Variants in PSMA1 observed in about 807,000 individuals in gnomAD.
The protein encoded by PSMA1 is proteasome subunit alpha type-1.
A neutral mutation model predicts 38.4 loss-of-function variants in PSMA1; 3 were observed. The ratio of observed to expected loss-of-function variants is 0.08; its 90% CI spans 0.04 to 0.20. The LOEUF (loss-of-function observed/expected upper bound fraction) is 0.20. Among genes scored for constraint, PSMA1 ranks in the 10% least tolerant of loss-of-function variants. PSMA1 has a pLI of 1.00. For synonymous variants in PSMA1, 101 were observed against 107.1 expected, an observed-to-expected ratio of 0.94 and a Z score of 0.35; for missense variants, 227 against 325.3, an observed-to-expected ratio of 0.70 and a Z score of 2.32.
At chr11:14,572,068 G>T (rs1029328666) in intron 2 of PSMA1, among the ~76,000 whole-genome samples, 3 of 152,138 alleles carry the variant, frequency 2.0e-5, no homozygotes, top group African/African-American at 7.2e-5. Flanking sequence ...AATAATGGGA[G>T]AATTTAACAC....
chr11:14,591,069 C>T (rs546100304), intron 2 of PSMA1, among the ~76,000 whole-genome samples: 4 of 152,212 alleles, frequency 2.6e-5, no homozygotes, highest in Non-Finnish European at 4.4e-5. Context: ...GAGGGAGAGG[C>T]GCGAGCGGGA....
intron 2 of PSMA1, among the ~76,000 whole-genome samples, chr11:14,594,024 G>C (rs576428976): frequency 1.2e-4 from 18 of 152,280 alleles, no homozygotes; most frequent in African/African-American, 4.1e-4. Flanking sequence ...TCTAGGAAAG[G>C]TTTACCTCTT....
chr11:14,622,169 C>T (rs551143957), intron 1 of PSMA1, among the ~76,000 whole-genome samples: 1 of 152,160 alleles, frequency 6.6e-6, no homozygotes, highest in South Asian at 2.1e-4. Flanking sequence ...AGTTGCTTTG[C>T]CGGACACTGT....
At chr11:14,631,378 T>A (rs1215952333) in intron 1 of PSMA1, among the ~76,000 whole-genome samples, 1 of 152,168 alleles carries the variant, frequency 6.6e-6, no homozygotes, top group African/African-American at 2.4e-5. Context: ...TTTGTTCTCG[T>A]TGGTTTCAAA....
At chr11:14,621,468 A>C (rs1852842616) in intron 1 of PSMA1, among the ~76,000 whole-genome samples, 1 of 151,878 alleles carries the variant, frequency 6.6e-6, no homozygotes, top group Non-Finnish European at 1.5e-5. Context: ...ATGGGGTCCC[A>C]TTATGTTGCC....
intron 2 of PSMA1, among the ~76,000 whole-genome samples, chr11:14,553,980 T>C (rs1851915856): frequency 6.6e-6 from 1 of 152,194 alleles, no homozygotes; most frequent in East Asian, 1.9e-4. Flanking sequence ...GCATTTAGTA[T>C]TGTCATTATT....
intron 1 of PSMA1, 138 bp from the exon 2 acceptor site, chr11:14,519,179 A>G (rs1261343659): frequency 2.6e-6 from 2 of 756,590 alleles, no homozygotes; most frequent in Non-Finnish European, 4.7e-6. Context: ...GAAGATTACT[A>G]CTGTACTCAG....
At chr11:14,556,369 G>A (rs967544982) in intron 2 of PSMA1, among the ~76,000 whole-genome samples, 1 of 152,204 alleles carries the variant, frequency 6.6e-6, no homozygotes, top group African/African-American at 2.4e-5. Flanking sequence ...TGTTGCTGTT[G>A]ATATGTTTTA....
chr11:14,631,446 G>A (rs988454335), intron 1 of PSMA1, among the ~76,000 whole-genome samples: 4 of 152,004 alleles, frequency 2.6e-5, no homozygotes, highest in Non-Finnish European at 4.4e-5. Flanking sequence ...TCAGGAGCAG[G>A]TTGTTCAGTT....
chr11:14,563,960 T>C (rs1852039551), intron 2 of PSMA1, among the ~76,000 whole-genome samples: 1 of 152,228 alleles, frequency 6.6e-6, no homozygotes, highest in South Asian at 2.1e-4. Context: ...ATAAAGTCTG[T>C]TGGGAGAAAG....
Position 14,625,891 on chromosome 11 carries a change from A to G in PSMA1, c.-165-14740T>C, listed in dbSNP as rs548763187. Among the ~76,000 whole-genome samples the G allele has an allele frequency of 1.6e-4, 24 of 152,336 alleles. 1 individual carries two copies. The South Asian group carries it at 5.0e-3, about 32-fold the overall frequency. On this transcript the variant is annotated intron_variant, in intron 1 of 10. Coordinates refer to the PSMA1 transcript ENST00000418988. ...TTTCTCAGAGGATACAAACTAACAC[A>G]GTGCCACCAGGGAATAAGACCTTAG...
At chr11:14,568,595 G>A (rs917945232) in intron 2 of PSMA1, among the ~76,000 whole-genome samples, 2 of 152,206 alleles carry the variant, frequency 1.3e-5, no homozygotes, top group African/African-American at 4.8e-5. Flanking sequence ...CATCTAAGAT[G>A]AAATCTTTAT....
chr11:14,634,113 C>A (rs556450005), intron 1 of PSMA1, among the ~76,000 whole-genome samples: 1 of 152,300 alleles, frequency 6.6e-6, no homozygotes, highest in South Asian at 2.1e-4. Context: ...GTCGCTCACA[C>A]TGAGAGCTGT....
chr11:14,512,553 C>T (rs777675616), intron 7 of PSMA1, among the ~76,000 whole-genome samples: 10 of 152,108 alleles, frequency 6.6e-5, no homozygotes, highest in Non-Finnish European at 1.3e-4. Context: ...CTGATATGAG[C>T]AGTTCTGAAC....
At chr11:14,510,383 T>G (rs1851324821) in intron 8 of PSMA1, among the ~76,000 whole-genome samples, 1 of 152,220 alleles carries the variant, frequency 6.6e-6, no homozygotes. Context: ...TACACCTACC[T>G]ACATCCAATT....
chr11:14,630,349 A>G (rs1443014061), intron 1 of PSMA1, among the ~76,000 whole-genome samples: 2 of 152,130 alleles, frequency 1.3e-5, no homozygotes, highest in Non-Finnish European at 2.9e-5. Context: ...ATCAATACCT[A>G]ATTTATTGAG....
upstream of PSMA1, among the ~76,000 whole-genome samples, chr11:14,525,201 T>G (rs542002573): frequency 2.6e-5 from 4 of 152,258 alleles, no homozygotes; most frequent in South Asian, 8.3e-4. Context: ...TATCCCCAAC[T>G]GCCCACTTTC....
intron 1 of PSMA1, among the ~76,000 whole-genome samples, chr11:14,613,271 T>C (rs1246478300): frequency 7.1e-6 from 1 of 141,774 alleles, no homozygotes; most frequent in Non-Finnish European, 1.6e-5. Context: ...GAGGCAGAGG[T>C]TGCAGTGAGC....
chr11:14,624,942 T>C (rs552756527), intron 1 of PSMA1, among the ~76,000 whole-genome samples: 1 of 152,262 alleles, frequency 6.6e-6, no homozygotes, highest in East Asian at 1.9e-4. Flanking sequence ...TTGAGAGGAC[T>C]TGGAATGGAT....
Sources: gnomAD v4.1 joint callset for allele counts (sites outside exome capture counted in the v4.1 genomes callset) on GRCh38, gnomAD v4.1.1 for gene constraint, MANE v1.5 for transcripts, NCBI Gene and HGNC (gene_info 2026-07-23, HGNC 2026-07-21) for gene names.